WDPCP: variants seen among roughly 807,000 people sequenced by gnomAD.
The protein encoded by WDPCP is WD repeat-containing and planar cell polarity effector protein fritz homolog.
In WDPCP, 71 loss-of-function variants were observed where a neutral mutation model predicts 93.1. The ratio of observed to expected loss-of-function variants is 0.76; its 90% confidence interval spans 0.63 to 0.93. The LOEUF (loss-of-function observed/expected upper bound fraction) is 0.93, where lower values mean the gene tolerates loss of function less well. WDPCP is among the 40% of genes least tolerant of loss of function. The pLI is 0.00. For missense variants in WDPCP, 844 were observed against 887.4 expected (o/e 0.95, Z 0.62); for synonymous variants, 315 against 315.0 (o/e 1.00, Z 0.00).
chr2:63,484,270 G>C (rs1700437377), intron 6 of WDPCP, among the ~76,000 whole-genome samples: 1 of 151,786 alleles, frequency 6.6e-6, no homozygotes, highest in South Asian at 2.1e-4. Flanking sequence ...TTTGCCCTGT[G>C]GTTTCATCTT....
At chr2:63,657,203 A>ATT (rs777283092) in intron 2 of WDPCP, among the ~76,000 whole-genome samples, 75 of 53,516 alleles carry the variant, frequency 1.4e-3, no homozygotes, top group African/African-American at 5.6e-3. Context: ...GTTCTGGGTG[A>ATT]TGTTTTTTTT....
intron 2 of WDPCP, among the ~76,000 whole-genome samples, chr2:63,715,811 T>G (rs977882375): frequency 5.9e-5 from 9 of 152,248 alleles, no homozygotes; most frequent in Non-Finnish European, 1.2e-4. Context: ...TTGCCATTCG[T>G]CATAAAATCA....
chr2:63,679,836 C>A (rs553434486), intron 2 of WDPCP, among the ~76,000 whole-genome samples: 1 of 152,232 alleles, frequency 6.6e-6, no homozygotes, highest in East Asian at 1.9e-4. Context: ...AAGATATCAC[C>A]TTTAATCAAT....
chr2:63,770,313 T>G (rs1189912290), intron 2 of WDPCP, among the ~76,000 whole-genome samples: 12 of 152,030 alleles, frequency 7.9e-5, no homozygotes, highest in Non-Finnish European at 1.5e-5. Flanking sequence ...CAATTTAAGT[T>G]GTACTCAGAA....
At chr2:63,143,092 CAGG>C (rs1671217330) in intron 17 of WDPCP, among the ~76,000 whole-genome samples, 3 of 152,094 alleles carry the variant, frequency 2.0e-5, no homozygotes, top group Admixed American at 1.3e-4. Context: ...GCGGGGACTA[CAGG>C]CACATGTCAC....
chr2:63,475,962 C>T (rs535067131), intron 6 of WDPCP, among the ~76,000 whole-genome samples: 4 of 152,212 alleles, frequency 2.6e-5, no homozygotes, highest in South Asian at 4.2e-4. Flanking sequence ...CCTTTCACTG[C>T]GGTTCCATAC....
intron 3 of WDPCP, chr2:63,606,038 T>G: frequency 6.2e-7 from 1 of 1,605,602 alleles, no homozygotes; most frequent in Non-Finnish European, 8.5e-7. Context: ...GGTAAGGTAT[T>G]TTGGAGCTAT....
chr2:63,492,822 G>C (rs1184610955), intron 2 of WDPCP, 34 bp downstream of exon 2: 2 of 1,583,208 alleles, frequency 1.3e-6, no homozygotes, highest in East Asian at 4.5e-5. Context: ...TAACATATTT[G>C]AAAAATATTG....
chr2:63,297,420 T>C (rs1316465316), intron 13 of WDPCP, among the ~76,000 whole-genome samples: 1 of 152,172 alleles, frequency 6.6e-6, no homozygotes, highest in Non-Finnish European at 1.5e-5. Flanking sequence ...ACTTAAGTTA[T>C]TGCTGTCAGG....
intron 1 of WDPCP, among the ~76,000 whole-genome samples, chr2:63,544,311 AC>A (rs1415576743): frequency 6.6e-6 from 1 of 152,154 alleles, no homozygotes; most frequent in Admixed American, 6.6e-5. Flanking sequence ...ATACCACCAT[AC>A]TACATCAACC....
chr2:63,502,767 T>C (rs184156817), intron 1 of WDPCP, among the ~76,000 whole-genome samples: 2 of 151,648 alleles, frequency 1.3e-5, no homozygotes, highest in Admixed American at 1.3e-4. Context: ...TAAGAGAATG[T>C]AGAATCTGAT....
At chr2:63,179,870 G>A (rs776117312) in intron 14 of WDPCP, among the ~76,000 whole-genome samples, 2 of 152,080 alleles carry the variant, frequency 1.3e-5, no homozygotes, top group Non-Finnish European at 2.9e-5. Context: ...GATATTTTCT[G>A]TGATTGCTGT....
At chr2:63,364,216 G>A (rs182153808) in intron 12 of WDPCP, among the ~76,000 whole-genome samples, 137 of 151,978 alleles carry the variant, frequency 9.0e-4, no homozygotes, top group Middle Eastern at 6.8e-3. Context: ...GTTTTTTCAC[G>A]AAGGACTCAC....
At position 63,793,761 on chromosome 2, in the gene WDPCP, C is replaced by T. The variant is rs746342364; in HGVS notation, n.308+19861G>A. On this transcript the variant is annotated intron_variant and non_coding_transcript_variant, in intron 2 of 4. Coordinates refer to the WDPCP transcript ENST00000467687. ...ATTAATGTGAAATGTTTATTCTTTC[C>T]GGGACCAGGGTAAACCTATGTCTAC... Among the ~76,000 whole-genome samples the T allele has an allele frequency of 1.2e-3, 181 of 151,684 alleles. 2 individuals are homozygous for T. Among genetic ancestry groups the T allele is most frequent in the African/African-American group, 4.1e-3 (168 of 41,394 alleles).
intron 9 of WDPCP, among the ~76,000 whole-genome samples, chr2:63,416,813 C>T (rs1441487899): frequency 6.6e-6 from 1 of 152,206 alleles, no homozygotes; most frequent in Non-Finnish European, 1.5e-5. Flanking sequence ...TAGGCCACCA[C>T]ACCTGGCCCA....
chr2:63,361,617 C>T (rs1454902902), intron 12 of WDPCP, among the ~76,000 whole-genome samples: 1 of 152,166 alleles, frequency 6.6e-6, no homozygotes. Flanking sequence ...CATGTGTCAC[C>T]ATTTAGGGTA....
chr2:63,775,452 T>C (rs914793018), intron 2 of WDPCP, among the ~76,000 whole-genome samples: 3 of 152,222 alleles, frequency 2.0e-5, no homozygotes, highest in Non-Finnish European at 4.4e-5. Flanking sequence ...AATTCATATA[T>C]AGTTTTAGTA....
chr2:63,748,244 T>C (rs1669827555), intron 2 of WDPCP, among the ~76,000 whole-genome samples: 1 of 151,792 alleles, frequency 6.6e-6, no homozygotes, highest in Non-Finnish European at 1.5e-5. Flanking sequence ...TTGTTATGTT[T>C]TCTTGCTTTT....
chr2:63,292,250 A>C (rs1419480674), intron 13 of WDPCP, among the ~76,000 whole-genome samples: 3 of 152,118 alleles, frequency 2.0e-5, no homozygotes, highest in Non-Finnish European at 4.4e-5. Context: ...ATTTATGAGA[A>C]GGTTTAAAAA....
Sources: allele counts gnomAD v4.1 joint callset (sites outside exome capture counted in the v4.1 genomes callset), GRCh38; gene constraint gnomAD v4.1.1; transcripts MANE v1.5; gene names NCBI Gene and HGNC (gene_info 2026-07-23, HGNC 2026-07-21).